NAV2: variants seen among roughly 807,000 people sequenced by gnomAD.
The protein encoded by NAV2 is helicase, APC down-regulated 1.
In NAV2, 54 loss-of-function variants were observed where a neutral mutation model predicts 223.2. The observed-to-expected ratio is 0.24, with a 90% CI of 0.19 to 0.30. The LOEUF (loss-of-function observed/expected upper bound fraction) is 0.30, where lower values mean the gene tolerates loss of function less well. NAV2 is among the 10% of genes least tolerant of loss of function. The pLI, the probability that NAV2 is intolerant of heterozygous loss-of-function variation, is 1.00. For synonymous variants in NAV2, 1,279 were observed against 1,239.3 expected (o/e 1.03, Z -0.67); for missense variants, 2,806 against 3,147.5 (o/e 0.89, Z 2.60).
At chr11:19,417,192 A>C (rs1392677322) in intron 1 of NAV2, among the ~76,000 whole-genome samples, 3 of 152,202 alleles carry the variant, frequency 2.0e-5, no homozygotes, top group Non-Finnish European at 4.4e-5. Context: ...TTTGCGATCT[A>C]TCCGTCTGAC....
chr11:19,540,335 CA>C (rs1269778303), intron 1 of NAV2, among the ~76,000 whole-genome samples: 1 of 152,208 alleles, frequency 6.6e-6, no homozygotes, highest in Non-Finnish European at 1.5e-5. Context: ...TCATTCTTCA[CA>C]ACAAAATTAT....
intron 1 of NAV2, among the ~76,000 whole-genome samples, chr11:19,435,198 C>T (rs765071959): frequency 3.3e-5 from 5 of 152,038 alleles, no homozygotes; most frequent in East Asian, 1.9e-4. Flanking sequence ...CTATATCCTC[C>T]GACCAATGTC....
chr11:19,628,541 T>G (rs2017056), intron 1 of NAV2, among the ~76,000 whole-genome samples: 1 of 152,118 alleles, frequency 6.6e-6, no homozygotes. Flanking sequence ...AATGTACTCA[T>G]GCATCCACGC....
At chr11:19,853,688 G>A (rs558677306) in intron 3 of NAV2, among the ~76,000 whole-genome samples, 2 of 151,676 alleles carry the variant, frequency 1.3e-5, no homozygotes, top group Admixed American at 6.6e-5. Context: ...CTGTGCATGT[G>A]GTCATGATCT....
At chr11:19,948,563 T>TG in intron 9 of NAV2, 128 bp from the exon 10 acceptor site, 1 of 983,158 alleles carries the variant, frequency 1.0e-6, no homozygotes, top group East Asian at 2.8e-5. Context: ...AGGTGGTACA[T>TG]GGGGGCTGGC....
At chr11:19,669,596 A>G (rs911541305) in intron 1 of NAV2, among the ~76,000 whole-genome samples, 4 of 152,232 alleles carry the variant, frequency 2.6e-5, no homozygotes, top group African/African-American at 9.6e-5. Context: ...ATTGGGTACC[A>G]TGGAGCTCAC....
intron 3 of NAV2, among the ~76,000 whole-genome samples, chr11:19,866,953 G>A (rs2062131123): frequency 6.6e-6 from 1 of 152,104 alleles, no homozygotes; most frequent in Admixed American, 6.5e-5. Context: ...AGGAGAGAAT[G>A]ATAGGAAAAG....
At chr11:19,755,329 T>C (rs574996901) in intron 1 of NAV2, among the ~76,000 whole-genome samples, 2 of 152,148 alleles carry the variant, frequency 1.3e-5, no homozygotes. Flanking sequence ...TGTCATTCTA[T>C]TTTTTTAAAA....
chr11:19,747,945 C>A (rs1054008522), intron 1 of NAV2, among the ~76,000 whole-genome samples: 2 of 152,170 alleles, frequency 1.3e-5, no homozygotes, highest in African/African-American at 2.4e-5. Flanking sequence ...CCCTGGGGAG[C>A]CTGCTAACCA....
intron 1 of NAV2, among the ~76,000 whole-genome samples, chr11:19,619,304 T>A (rs553019482): frequency 6.6e-6 from 1 of 152,258 alleles, no homozygotes; most frequent in African/African-American, 2.4e-5. Flanking sequence ...CAAGTGGTAT[T>A]TCTAGTTCTA....
intron 1 of NAV2, among the ~76,000 whole-genome samples, chr11:19,515,607 C>T (rs2043421555): frequency 6.6e-6 from 1 of 152,192 alleles, no homozygotes; most frequent in East Asian, 1.9e-4. Flanking sequence ...ATGCTAATTG[C>T]TCTTCAGCAG....
At chr11:19,366,199 G>A (rs1478012083) in intron 1 of NAV2, among the ~76,000 whole-genome samples, 1 of 152,196 alleles carries the variant, frequency 6.6e-6, no homozygotes, top group African/African-American at 2.4e-5. Context: ...AGTCATTAGG[G>A]GTCAGGTTAC....
At chr11:19,445,149 A>C (rs1486062321) in intron 1 of NAV2, among the ~76,000 whole-genome samples, 3 of 152,196 alleles carry the variant, frequency 2.0e-5, no homozygotes, top group African/African-American at 7.2e-5. Context: ...GAAGATTGAG[A>C]ACATGGTGCA....
At chr11:20,067,184 A>G (rs1247774028) in intron 20 of NAV2, among the ~76,000 whole-genome samples, 1 of 152,152 alleles carries the variant, frequency 6.6e-6, no homozygotes, top group Non-Finnish European at 1.5e-5. Flanking sequence ...GGACAGCACG[A>G]AGATGAAGGC....
chr11:19,516,549 A>G (rs1348985886), intron 1 of NAV2, among the ~76,000 whole-genome samples: 1 of 152,200 alleles, frequency 6.6e-6, no homozygotes, highest in Non-Finnish European at 1.5e-5. Flanking sequence ...AAGCAAAATG[A>G]GCCATGTCTA....
At position 20,054,094 on chromosome 11, in the gene NAV2, C is replaced by T; in HGVS notation, c.4496C>T (p.Ser1499Phe). The T allele has an allele frequency of 1.9e-6, 3 of 1,612,756 alleles. No homozygotes were observed. Among genetic ancestry groups the T allele is most frequent in the Non-Finnish European group, 2.5e-6 (3 of 1,179,784 alleles). The change falls in exon 18 of 38, where the codon TCC becomes TTC. Residue 1499 changes from serine to phenylalanine, a missense_variant. Physicochemically the swap from Ser to Phe is radical, Grantham distance 155. This residue lies in a region of NAV2 where 742 missense variants were observed against 777.9 expected (regional missense o/e 0.95). Transcript: ENST00000349880. ...PKKGLRYTPT[S>F]QLRTQEDAKE... Reference sequence around the variant, plus strand: ...TGTCTGTCCAGGTATACTCCCACCTCCCAGCTTCGCACGCAAGAAGATGCA... The same window carrying T: ...TGTCTGTCCAGGTATACTCCCACCTTCCAGCTTCGCACGCAAGAAGATGCA...
chr11:19,422,858 G>C (rs1850674901), intron 1 of NAV2, among the ~76,000 whole-genome samples: 1 of 152,142 alleles, frequency 6.6e-6, no homozygotes, highest in African/African-American at 2.4e-5. Context: ...AGAGGCATGT[G>C]GCACATCAGG....
rs191290185 is a variant in NAV2, at chr11:19,960,649, C to T, written c.2645+11569C>T. On this transcript the variant is annotated intron_variant, in intron 10 of 37. Transcript: ENST00000349880. ...TATTTTTTGAGACAGAATCTTGCTC[C>T]GTTGCCCAGGCTGGAGGGCAGTGGC... 6.0e-5 allele frequency among the ~76,000 whole-genome samples: 9 copies of T among 150,366 alleles called. No individual in the cohort carries two copies. In the East Asian group the frequency reaches 1.2e-3, roughly 20 times the overall value.
chr11:20,055,820 G>A lies in NAV2; in HGVS notation c.4694G>A (p.Arg1565Lys). 1 of 1,614,154 alleles carries A rather than the reference G, an allele frequency of 6.2e-7. No individual in the cohort carries two copies. The highest frequency in any genetic ancestry group is 1.3e-5 in the African/African-American group (1 of 75,042). ...QMSLSNPTML[R>K]THSLSNADGQ... is the part of the protein sequence containing the mutation. Reference sequence around the variant, plus strand: ...AGCTTGTCCAACCCGACCATGCTGAGGACTCACAGCCTCTCCAATGCTGAT... The same window carrying A: ...AGCTTGTCCAACCCGACCATGCTGAAGACTCACAGCCTCTCCAATGCTGAT... The change falls in exon 19 of 38, where the codon AGG (arginine) becomes AAG (lysine). Residue 1565 changes from arginine (R) to lysine (K), a missense_variant. Around this residue, in one of 4 missense-constraint regions of NAV2, gnomAD observed 742 missense variants for 777.9 expected, o/e 0.95. Coordinates refer to ENST00000349880, the MANE Select transcript of NAV2 (RefSeq NM_145117.5).
Sources: gnomAD v4.1 joint callset for allele counts (sites outside exome capture counted in the v4.1 genomes callset) on GRCh38, gnomAD v4.1.1 for gene constraint, gnomAD v4.1.1 regional missense constraint, MANE v1.5 for transcripts, NCBI Gene and HGNC (gene_info 2026-07-23, HGNC 2026-07-21) for gene names.